DYM: variants seen among roughly 807,000 people sequenced by gnomAD.
DYM encodes dymeclin.
DYM carries 78 observed loss-of-function variants against 93.1 expected under a neutral mutation model. That is an observed-to-expected ratio of 0.84 (90% confidence interval 0.70 to 1.01). The LOEUF is 1.01. DYM is among the 50% of genes least tolerant of loss of function. The pLI is 0.00. For missense variants in DYM, 789 were observed against 845.0 expected (o/e 0.93, Z 0.82); for synonymous variants, 321 against 319.7 (o/e 1.00, Z -0.04).
intron 13 of DYM, among the ~76,000 whole-genome samples, chr18:49,226,963 T>TA (rs1292372753): frequency 2.0e-5 from 3 of 152,220 alleles, no homozygotes; most frequent in Non-Finnish European, 4.4e-5. Flanking sequence ...ATACTTGTTT[T>TA]AAAAAAATCT....
At chr18:49,183,104 AACC>A (rs1362848339) in intron 14 of DYM, among the ~76,000 whole-genome samples, 1 of 152,216 alleles carries the variant, frequency 6.6e-6, no homozygotes, top group Non-Finnish European at 1.5e-5. Flanking sequence ...CATCTCTGAT[AACC>A]ACAGTATTTT....
chr18:49,230,572 T>C (rs2093665940), intron 13 of DYM, among the ~76,000 whole-genome samples: 1 of 152,192 alleles, frequency 6.6e-6, no homozygotes, highest in East Asian at 1.9e-4. Context: ...GAGAAAAGCT[T>C]ACCACACCCT....
At chr18:49,231,417 G>A (rs1218116840) in intron 13 of DYM, among the ~76,000 whole-genome samples, 1 of 152,154 alleles carries the variant, frequency 6.6e-6, no homozygotes, top group Non-Finnish European at 1.5e-5. Flanking sequence ...AAAGTAAAAG[G>A]TATCAGAATC....
chr18:49,440,936 A>T (rs868110720), intron 1 of DYM, among the ~76,000 whole-genome samples: 6 of 202 alleles, frequency 0.03, 3 homozygotes, highest in African/African-American at 0.25. Flanking sequence ...ATATTATATA[A>T]TATATAATAT....
intron 17 of DYM, among the ~76,000 whole-genome samples, chr18:49,096,848 G>A (rs888172216): frequency 3.3e-5 from 5 of 152,186 alleles, no homozygotes; most frequent in African/African-American, 1.2e-4. Context: ...TGTGGGCACT[G>A]GAGATAGACT....
intron 17 of DYM, among the ~76,000 whole-genome samples, chr18:49,081,807 G>A (rs1038109942): frequency 7.2e-5 from 11 of 152,140 alleles, no homozygotes; most frequent in African/African-American, 2.7e-4. Context: ...GGCCAGAAAG[G>A]CTCTGCTACT....
intron 13 of DYM, among the ~76,000 whole-genome samples, chr18:49,252,442 G>A (rs2094311674): frequency 1.3e-5 from 2 of 151,874 alleles, no homozygotes; most frequent in Admixed American, 6.6e-5. Flanking sequence ...GGTCTTTTGA[G>A]ACTCACTATC....
At chr18:49,216,169 C>T (rs1167818267) in intron 13 of DYM, among the ~76,000 whole-genome samples, 1 of 152,188 alleles carries the variant, frequency 6.6e-6, no homozygotes, top group African/African-American at 2.4e-5. Context: ...AGTCTGAGAT[C>T]AAACTGCAAG....
chr18:49,300,086 A>AT (rs1568203844), intron 8 of DYM, among the ~76,000 whole-genome samples: 4 of 136,438 alleles, frequency 2.9e-5, no homozygotes, highest in African/African-American at 1.1e-4. Flanking sequence ...TATATATATA[A>AT]ATATATATAT....
At chr18:49,418,605 C>G (rs1271833424) in intron 2 of DYM, among the ~76,000 whole-genome samples, 1 of 152,136 alleles carries the variant, frequency 6.6e-6, no homozygotes, top group Admixed American at 6.6e-5. Context: ...AAAATTGCAG[C>G]AAACATCGAT....
chr18:49,282,223 A>G (rs754399905), intron 9 of DYM, 48 bp from the exon 10 acceptor site: 9 of 1,485,072 alleles, frequency 6.1e-6, no homozygotes, highest in Admixed American at 3.4e-5. Flanking sequence ...TGTGCTTTAT[A>G]TAAATAAAAA....
At chr18:49,131,538 A>G (rs185205012) in intron 15 of DYM, among the ~76,000 whole-genome samples, 2 of 152,132 alleles carry the variant, frequency 1.3e-5, no homozygotes, top group Non-Finnish European at 2.9e-5. Flanking sequence ...GCCTCTTCTT[A>G]TAAGAGCACC....
rs979719564 is a variant in DYM, at chr18:49,335,803, G to A, written c.495-1950C>T. On this transcript the variant is annotated intron_variant, in intron 6 of 17. Coordinates refer to ENST00000675505, the MANE Select transcript of DYM (RefSeq NM_001353214.3). ...GACTATGTCCAATACATTTGCAAACGTTTTCTGTCTTTTTTTTTTTTCTTT... is the reference window on the plus strand; with the variant it reads ...GACTATGTCCAATACATTTGCAAACATTTTCTGTCTTTTTTTTTTTTCTTT... Among the ~76,000 whole-genome samples, 11 of 146,914 alleles carry A rather than the reference G, an allele frequency of 7.5e-5. No individual in the cohort carries two copies. The East Asian group carries it at 1.7e-3, about 23-fold the overall frequency.
intron 17 of DYM, among the ~76,000 whole-genome samples, chr18:49,065,835 T>C (rs2076345096): frequency 1.3e-5 from 2 of 152,116 alleles, no homozygotes; most frequent in South Asian, 4.1e-4. Flanking sequence ...GTGAGGGGCA[T>C]AGATCACATC....
intron 17 of DYM, among the ~76,000 whole-genome samples, chr18:49,067,374 G>A (rs1355362072): frequency 5.3e-5 from 8 of 151,818 alleles, no homozygotes; most frequent in Non-Finnish European, 4.4e-5. Context: ...ATGTGTTATG[G>A]AGGTTCAGTA....
At chr18:49,093,064 C>T (rs938853190) in intron 17 of DYM, among the ~76,000 whole-genome samples, 11 of 152,072 alleles carry the variant, frequency 7.2e-5, no homozygotes, top group African/African-American at 2.2e-4. Context: ...ATTTACCCCA[C>T]GAATATGTAT....
At chr18:49,361,782 G>A (rs112617588) in intron 6 of DYM, among the ~76,000 whole-genome samples, 97 of 152,048 alleles carry the variant, frequency 6.4e-4, no homozygotes, top group Middle Eastern at 3.4e-3. Context: ...GTGCAGTGGC[G>A]TGATCTCGGC....
intron 1 of DYM, among the ~76,000 whole-genome samples, chr18:49,460,094 G>A (rs759826536): frequency 1.3e-5 from 2 of 152,186 alleles, no homozygotes; most frequent in Non-Finnish European, 2.9e-5. Context: ...AACAGCTATT[G>A]CTCACCCTGC....
intron 6 of DYM, among the ~76,000 whole-genome samples, chr18:49,354,741 T>C (rs1361796954): frequency 6.6e-6 from 1 of 152,080 alleles, no homozygotes; most frequent in Admixed American, 6.6e-5. Context: ...ACTACACATC[T>C]ATTCAAATGC....
Sources: allele counts gnomAD v4.1 joint callset (sites outside exome capture counted in the v4.1 genomes callset), GRCh38; gene constraint gnomAD v4.1.1; transcripts MANE v1.5; gene names NCBI Gene and HGNC (gene_info 2026-07-23, HGNC 2026-07-21).